AKT3: variants seen among roughly 807,000 people sequenced by gnomAD.
AKT3 encodes AKT serine/threonine kinase 3, also known as RAC-gamma serine/threonine-protein kinase.
In AKT3, 15 loss-of-function variants were observed where a neutral mutation model predicts 65.3. The observed-to-expected ratio is 0.23, with a 90% CI of 0.15 to 0.35. AKT3 has a LOEUF of 0.35. Among genes scored for constraint, AKT3 ranks in the 10% least tolerant of loss-of-function variants. AKT3 has a pLI of 1.00. For synonymous variants in AKT3, 206 were observed against 183.8 expected (o/e 1.12, Z -0.98); for missense variants, 243 against 576.5 (o/e 0.42, Z 5.92).
chr1:243,761,723 A>T (rs1489074407), intron 2 of AKT3, among the ~76,000 whole-genome samples: 1 of 152,190 alleles, frequency 6.6e-6, no homozygotes, highest in Non-Finnish European at 1.5e-5. Flanking sequence ...AGCCCATAGC[A>T]CCACGTTGGA....
chr1:243,818,319 AAT>A (rs1385552389), intron 2 of AKT3: 1 of 152,192 alleles, frequency 6.6e-6, no homozygotes. Context: ...CCATTTTATC[AAT>A]GAGGAAACTG....
At chr1:243,807,305 A>G (rs1429217524) in intron 2 of AKT3, among the ~76,000 whole-genome samples, 1 of 152,218 alleles carries the variant, frequency 6.6e-6, no homozygotes, top group East Asian at 1.9e-4. Context: ...GGTGACAAAC[A>G]GCACCTGGAA....
At chr1:243,836,828 C>T (rs1694923376) in intron 2 of AKT3, among the ~76,000 whole-genome samples, 1 of 150,556 alleles carries the variant, frequency 6.6e-6, no homozygotes, top group Middle Eastern at 3.4e-3. Context: ...GGAGAATCAA[C>T]TTGAATCCAG....
chr1:243,731,919 A>G (rs751471874), intron 2 of AKT3, among the ~76,000 whole-genome samples: 10 of 152,184 alleles, frequency 6.6e-5, no homozygotes, highest in Non-Finnish European at 1.0e-4. Flanking sequence ...TGTAATTACC[A>G]TGTAACGGTT....
At chr1:243,703,976 C>T (rs1558737755) in intron 2 of AKT3, among the ~76,000 whole-genome samples, 2 of 152,138 alleles carry the variant, frequency 1.3e-5, no homozygotes, top group Non-Finnish European at 2.9e-5. Context: ...TATCATTTAT[C>T]TTTTATTGAG....
At chr1:243,819,427 TGGGCA>T (rs1693724555) in intron 2 of AKT3, among the ~76,000 whole-genome samples, 1 of 152,158 alleles carries the variant, frequency 6.6e-6, no homozygotes, top group South Asian at 2.1e-4. Flanking sequence ...CCCTCCTCAC[TGGGCA>T]GGGCCTCCCT....
chr1:243,725,570 C>A (rs1467564834), intron 2 of AKT3, among the ~76,000 whole-genome samples: 3 of 152,084 alleles, frequency 2.0e-5, no homozygotes, highest in South Asian at 2.1e-4. Context: ...TCACTGCATA[C>A]GGAGATTTGC....
intron 2 of AKT3, among the ~76,000 whole-genome samples, chr1:243,753,125 G>A (rs953343572): frequency 1.3e-5 from 2 of 152,190 alleles, no homozygotes; most frequent in Non-Finnish European, 2.9e-5. Flanking sequence ...ATCACCATCC[G>A]ATTTCACAGG....
At chr1:243,705,729 A>G (rs1482056683) in intron 2 of AKT3, among the ~76,000 whole-genome samples, 1 of 152,140 alleles carries the variant, frequency 6.6e-6, no homozygotes, top group Non-Finnish European at 1.5e-5. Flanking sequence ...TTTAGTTTAC[A>G]TAGCAGTAGG....
intron 2 of AKT3, among the ~76,000 whole-genome samples, chr1:243,742,482 G>A (rs143154660): frequency 4.1e-4 from 63 of 152,128 alleles, no homozygotes; most frequent in Admixed American, 3.1e-3. Flanking sequence ...AAAATTAGCC[G>A]GGCATGGTGC....
At chr1:243,634,796 T>C (rs925127572) in intron 6 of AKT3, among the ~76,000 whole-genome samples, 2 of 151,850 alleles carry the variant, frequency 1.3e-5, no homozygotes, top group Non-Finnish European at 2.9e-5. Context: ...CATCAAAATA[T>C]ATGAGGCAAA....
intron 8 of AKT3, among the ~76,000 whole-genome samples, chr1:243,608,928 A>G (rs1677655359): frequency 6.6e-6 from 1 of 151,006 alleles, no homozygotes; most frequent in South Asian, 2.1e-4. Flanking sequence ...AATTTTTTGT[A>G]TTTTTAGTAG....
chr1:243,842,813 A>G (rs2148476629), intron 2 of AKT3, among the ~76,000 whole-genome samples: 1 of 152,340 alleles, frequency 6.6e-6, no homozygotes, highest in South Asian at 2.1e-4. Flanking sequence ...AAATGATTCT[A>G]AAGATATCTC....
chr1:243,803,968 A>G (rs1397187835), intron 2 of AKT3, among the ~76,000 whole-genome samples: 1 of 152,218 alleles, frequency 6.6e-6, no homozygotes, highest in Non-Finnish European at 1.5e-5. Context: ...CCCTGAGGCT[A>G]TAAGCACACA....
At position 243,574,433 on chromosome 1, in the gene AKT3, C is replaced by T. The variant is rs147645633; in HGVS notation, c.697-1385G>A. ...AACTTTAATGCTTCCTACTATATTA[C>T]TGTATTTTATCAAATCTCATATGCT... is the stretch of plus-strand genomic sequence containing the variant. On this transcript the variant is annotated intron_variant, in intron 8 of 13. Transcript: ENST00000673466. Among the ~76,000 whole-genome samples the T allele has an allele frequency of 6.5e-4, 99 of 152,184 alleles. 1 individual carries two copies. In the South Asian group the frequency reaches 0.019, roughly 30 times the overall value.
intron 1 of AKT3, among the ~76,000 whole-genome samples, chr1:243,847,139 T>G (rs61833239): frequency 0.13 from 19,116 of 152,194 alleles, 1,625 homozygotes; most frequent in Non-Finnish European, 0.19. Context: ...AACACAAATC[T>G]TCTAACAAAA....
chr1:243,616,266 A>G (rs1678300268), intron 6 of AKT3, among the ~76,000 whole-genome samples: 1 of 137,544 alleles, frequency 7.3e-6, no homozygotes, highest in African/African-American at 2.7e-5. Context: ...TTTTGTCCTC[A>G]TAGCTTAGCT....
intron 2 of AKT3, among the ~76,000 whole-genome samples, chr1:243,757,183 G>T (rs1215890221): frequency 6.6e-6 from 1 of 152,228 alleles, no homozygotes; most frequent in East Asian, 1.9e-4. Flanking sequence ...CTGATGATCA[G>T]ATGGTAGTGA....
chr1:243,496,260 C>T (rs972387734), downstream of AKT3, among the ~76,000 whole-genome samples: 1 of 152,202 alleles, frequency 6.6e-6, no homozygotes, highest in Non-Finnish European at 1.5e-5. Flanking sequence ...GGCAGGTACC[C>T]GAGCGGGTGC....
Sources: allele counts gnomAD v4.1 joint callset (sites outside exome capture counted in the v4.1 genomes callset), GRCh38; gene constraint gnomAD v4.1.1; transcripts MANE v1.5; gene names NCBI Gene and HGNC (gene_info 2026-07-23, HGNC 2026-07-21).